BBS9: variants seen among roughly 807,000 people sequenced by gnomAD.
BBS9 encodes Bardet-Biedl syndrome 9, also known as protein PTHB1.
BBS9 carries 89 observed loss-of-function variants against 117.7 expected under a neutral mutation model. The ratio of observed to expected loss-of-function variants is 0.76; its 90% CI spans 0.64 to 0.90. The LOEUF (loss-of-function observed/expected upper bound fraction) is 0.90. Among genes scored for constraint, BBS9 ranks in the 40% least tolerant of loss-of-function variants. BBS9 has a pLI of 0.00. For synonymous variants in BBS9, 379 were observed against 370.9 expected, an observed-to-expected ratio of 1.02 and a Z score of -0.25; for missense variants, 982 against 1,042.2, an observed-to-expected ratio of 0.94 and a Z score of 0.80.
chr7:33,355,202 C>T (rs1435403991), intron 15 of BBS9, among the ~76,000 whole-genome samples: 1 of 151,844 alleles, frequency 6.6e-6, no homozygotes, highest in Non-Finnish European at 1.5e-5. Context: ...ACACATACAC[C>T]CACACATGCC....
At chr7:33,448,890 A>G (rs749520150) in intron 19 of BBS9, among the ~76,000 whole-genome samples, 5 of 152,198 alleles carry the variant, frequency 3.3e-5, no homozygotes, top group Non-Finnish European at 7.3e-5. Flanking sequence ...ATTTGTATCA[A>G]TTTTTTCTAA....
At chr7:33,632,853 T>C (rs1005897502) in intron 21 of BBS9, among the ~76,000 whole-genome samples, 1 of 152,102 alleles carries the variant, frequency 6.6e-6, no homozygotes, top group Non-Finnish European at 1.5e-5. Context: ...GACTGAGTTG[T>C]GGTTGCTTTT....
intron 20 of BBS9, among the ~76,000 whole-genome samples, chr7:33,506,064 C>G (rs1394937337): frequency 6.6e-6 from 1 of 152,158 alleles, no homozygotes; most frequent in Non-Finnish European, 1.5e-5. Flanking sequence ...ATGGAGATAG[C>G]CTTGCTATAA....
intron 9 of BBS9, among the ~76,000 whole-genome samples, chr7:33,292,930 T>C (rs1432328688): frequency 6.7e-6 from 1 of 150,058 alleles, no homozygotes; most frequent in Non-Finnish European, 1.5e-5. Flanking sequence ...CGCTTGAACC[T>C]GGGCGGCAGA....
intron 9 of BBS9, among the ~76,000 whole-genome samples, chr7:33,310,464 C>T (rs529235935): frequency 6.6e-5 from 10 of 152,322 alleles, no homozygotes; most frequent in African/African-American, 2.4e-4. Flanking sequence ...AGCCAAAACA[C>T]ATCCAGATGG....
chr7:33,221,626 A>G (rs1404669416), intron 5 of BBS9, among the ~76,000 whole-genome samples: 2 of 152,162 alleles, frequency 1.3e-5, no homozygotes, highest in Admixed American at 1.3e-4. Context: ...TTCTGGAATA[A>G]ATCTAGAGTA....
intron 1 of BBS9, among the ~76,000 whole-genome samples, chr7:33,136,329 A>C (rs936062120): frequency 1.3e-5 from 2 of 151,992 alleles, no homozygotes; most frequent in African/African-American, 4.8e-5. Flanking sequence ...CTTTTTTTCC[A>C]ATTTGGAAGC....
chr7:33,610,338 TA>T (rs1238688353), downstream of BBS9, among the ~76,000 whole-genome samples: 1 of 152,062 alleles, frequency 6.6e-6, no homozygotes, highest in Non-Finnish European at 1.5e-5. Flanking sequence ...GGGTAATTTA[TA>T]AAGAATAGAA....
chr7:33,194,541 A>G (rs62449330), intron 5 of BBS9, among the ~76,000 whole-genome samples: 39 of 151,354 alleles, frequency 2.6e-4, no homozygotes, highest in East Asian at 1.2e-3. Context: ...ACTAATCCCA[A>G]TGCTGGATTT....
At chr7:33,273,218 A>C (rs762752247) in intron 8 of BBS9, 23 bp downstream of exon 8, 3 of 1,612,346 alleles carry the variant, frequency 1.9e-6, no homozygotes, top group Admixed American at 1.7e-5. Context: ...ATTTTCTTTT[A>C]TCTCTTCCAT....
intron 9 of BBS9, among the ~76,000 whole-genome samples, chr7:33,283,534 G>T (rs917578230): frequency 6.6e-6 from 1 of 151,888 alleles, no homozygotes; most frequent in South Asian, 2.1e-4. Flanking sequence ...TGCTTCTAGT[G>T]TGGCTTTCAA....
At chr7:33,423,209 C>T (rs1278526334) in intron 19 of BBS9, among the ~76,000 whole-genome samples, 1 of 152,066 alleles carries the variant, frequency 6.6e-6, no homozygotes, top group East Asian at 1.9e-4. Context: ...TAAGATTGAC[C>T]ACAAAAGCAC....
At chr7:33,170,008 A>C in intron 4 of BBS9, among the ~76,000 whole-genome samples, 1 of 152,184 alleles carries the variant, frequency 6.6e-6, no homozygotes, top group Non-Finnish European at 1.5e-5. Flanking sequence ...ATCACAGCCG[A>C]ATTCTACCAG....
chr7:33,559,928 A>G (rs915645067), intron 21 of BBS9, among the ~76,000 whole-genome samples: 2 of 152,118 alleles, frequency 1.3e-5, no homozygotes, highest in Non-Finnish European at 2.9e-5. Context: ...TCCTCTGCCC[A>G]GGATTCCCAT....
chr7:33,363,515 A>T (rs1338203412), intron 16 of BBS9, among the ~76,000 whole-genome samples: 1 of 152,152 alleles, frequency 6.6e-6, no homozygotes, highest in Non-Finnish European at 1.5e-5. Context: ...ATAGATGATC[A>T]TGTTACATGC....
At chr7:33,432,331 G>A (rs368847511) in intron 19 of BBS9, among the ~76,000 whole-genome samples, 3 of 150,298 alleles carry the variant, frequency 2.0e-5, no homozygotes, top group African/African-American at 7.4e-5. Context: ...GGATAGTCTC[G>A]ATCTCCTGAC....
intron 9 of BBS9, among the ~76,000 whole-genome samples, chr7:33,294,347 ATCTATCTCTTTG>A (rs1433980157): frequency 1.5e-3 from 179 of 119,890 alleles, no homozygotes; most frequent in African/African-American, 5.2e-3. Context: ...CTATCTATCT[ATCTATCTCTTTG>A]TCCATCCATC....
In BBS9 at chr7:33,183,171, G is replaced by C. The variant is rs576900967; in HGVS notation, c.442+5580G>C. Among the ~76,000 whole-genome samples, 32 of 152,114 alleles carry C rather than the reference G, an allele frequency of 2.1e-4. No homozygotes were observed. The East Asian group carries it at 6.2e-3, about 29-fold the overall frequency. On this transcript the variant is annotated intron_variant, in intron 5 of 22. Transcript: ENST00000242067. ...AGAGGGATCTATTTTCAATTCTTAG[G>C]GTTCCACGAGGGAAACAGATGTCTT...
At chr7:33,148,333 G>A (rs563481790) in intron 2 of BBS9, among the ~76,000 whole-genome samples, 3 of 152,114 alleles carry the variant, frequency 2.0e-5, no homozygotes, top group Admixed American at 6.5e-5. Flanking sequence ...GATCAACAGG[G>A]GAAGTGTGGG....
Sources: gnomAD v4.1 joint callset for allele counts (sites outside exome capture counted in the v4.1 genomes callset) on GRCh38, gnomAD v4.1.1 for gene constraint, MANE v1.5 for transcripts, NCBI Gene and HGNC (gene_info 2026-07-23, HGNC 2026-07-21) for gene names.